CDKL5: variants seen among roughly 807,000 people sequenced by gnomAD.
CDKL5 encodes cyclin-dependent kinase-like 5.
In CDKL5, 8 loss-of-function variants were observed where a neutral mutation model predicts 61.7. The ratio of observed to expected loss-of-function variants is 0.13; its 90% CI spans 0.08 to 0.23. The LOEUF (loss-of-function observed/expected upper bound fraction) is 0.23, where lower values mean the gene tolerates loss of function less well. Ranked by LOEUF, CDKL5 falls within the 10% of genes least tolerant of loss-of-function variation. The pLI, the probability that CDKL5 is intolerant of heterozygous loss-of-function variation, is 1.00. For missense variants in CDKL5, 440 were observed against 734.5 expected, an observed-to-expected ratio of 0.60 and a Z score of 4.63; for synonymous variants, 275 against 272.3, an observed-to-expected ratio of 1.01 and a Z score of -0.10.
chrX:18,631,901 G>T lies in CDKL5; in HGVS notation c.*3144G>T. On this transcript the variant is annotated 3_prime_UTR_variant, in exon 18 of 18. Transcript: ENST00000623535. ...CTACAACTGTGGTTCTCAACTAGGG[G>T]CAGATTTACCCCCAAGGGTACATTT... is the stretch of plus-strand genomic sequence containing the variant. 1 of 742,328 alleles carries T rather than the reference G, an allele frequency of 1.3e-6. No homozygotes were observed. Among genetic ancestry groups the T allele is most frequent in the Non-Finnish European group, 1.6e-6 (1 of 628,390 alleles). The allele number at this position is 742,328 out of a possible 1,213,427, so 61.2% of individuals were successfully genotyped here.
At chrX:18,623,474 T>C (rs1248768426) in intron 16 of CDKL5, among the ~76,000 whole-genome samples, 1 of 112,226 alleles carries the variant, frequency 8.9e-6, no homozygotes, top group Non-Finnish European at 1.9e-5. Flanking sequence ...GTAGATTTTT[T>C]ACTTGCTGAA....
Position 18,590,018 on chromosome X carries a change from T to C in CDKL5, c.744+1875T>C, listed in dbSNP as rs199692901. Among the ~76,000 whole-genome samples, 19 of 112,184 alleles carry C rather than the reference T, an allele frequency of 1.7e-4. No homozygotes were observed. The East Asian group carries it at 5.0e-3, about 30-fold the overall frequency. The stretch of plus-strand genomic sequence containing the variant: ...TTTCTTGTAAATTTGTTTAAGTTCT[T>C]TGTAGATTCTGGATATTAGCCCTTT... On this transcript the variant is annotated intron_variant, in intron 9 of 17. Coordinates refer to ENST00000623535, the MANE Select transcript of CDKL5 (RefSeq NM_001323289.2).
chrX:18,445,244 A>T, intron 1 of CDKL5, among the ~76,000 whole-genome samples: 1 of 108,863 alleles, frequency 9.2e-6, no homozygotes, highest in Non-Finnish European at 1.9e-5. Flanking sequence ...CGCCCTGCTA[A>T]TTTTTGTATT....
chrX:18,571,150 G>A lies in CDKL5; in HGVS notation c.146-4204G>A, dbSNP rs559220753. 1.7e-4 allele frequency among the ~76,000 whole-genome samples: 19 copies of A among 111,330 alleles called. No homozygotes were observed. The East Asian group carries it at 4.5e-3, about 27-fold the overall frequency. ...GACCTCAGGCTCAAAGTTGCATAGCGTGTATGTGAATAATTGCAACTAAAA... is the reference window on the plus strand; with the variant it reads ...GACCTCAGGCTCAAAGTTGCATAGCATGTATGTGAATAATTGCAACTAAAA... On this transcript the variant is annotated intron_variant, in intron 4 of 17. Coordinates refer to ENST00000623535, the MANE Select transcript of CDKL5 (RefSeq NM_001323289.2).
At chrX:18,509,197 GCACA>G (rs60516677) in intron 2 of CDKL5, among the ~76,000 whole-genome samples, 6,865 of 64,166 alleles carry the variant, frequency 0.11, 327 homozygotes, top group Middle Eastern at 0.16. Context: ...CTCAAAACAC[GCACA>G]CACACACACA....
chrX:18,448,194 G>T (rs958051733), intron 1 of CDKL5, among the ~76,000 whole-genome samples: 1 of 112,088 alleles, frequency 8.9e-6, no homozygotes, highest in African/African-American at 3.2e-5. Flanking sequence ...CGTTTTCTGA[G>T]ATCCACCTGG....
At chrX:18,627,441 G>C (rs1927096781) in intron 17 of CDKL5, 1 of 112,087 alleles carries the variant, frequency 8.9e-6, no homozygotes. Context: ...CAGCAGTCAT[G>C]ATTGGCTGTG....
At chrX:18,569,350 C>T (rs965626526) in intron 4 of CDKL5, among the ~76,000 whole-genome samples, 1 of 111,482 alleles carries the variant, frequency 9.0e-6, no homozygotes, top group Non-Finnish European at 1.9e-5. Context: ...CCATTGTATT[C>T]GTTCTGCTCA....
intron 10 of CDKL5, among the ~76,000 whole-genome samples, chrX:18,597,591 ATTTTTT>A (rs58993237): frequency 2.7e-5 from 2 of 72,816 alleles, no homozygotes; most frequent in Non-Finnish European, 5.0e-5. Context: ...CTACAGAATG[ATTTTTT>A]TTTTTTTTTT....
At chrX:18,526,868 C>T (rs1204329432) in intron 3 of CDKL5, among the ~76,000 whole-genome samples, 1 of 110,036 alleles carries the variant, frequency 9.1e-6, no homozygotes, top group Non-Finnish European at 1.9e-5. Context: ...ACCGCAACCT[C>T]CGCCTCCTGG....
chrX:18,651,264 T>TGTGTGTGTGTGTGTGAGAGA (rs1491242962), intron 21 of CDKL5, among the ~76,000 whole-genome samples: 11 of 69,006 alleles, frequency 1.6e-4, no homozygotes, highest in African/African-American at 6.9e-4. Context: ...TGTGTGTGTG[T>TGTGTGTGTGTGTGTGAGAGA]GAGAGAGAGA....
intron 1 of CDKL5, among the ~76,000 whole-genome samples, chrX:18,498,074 T>TCCGCCTCAGCCTTCCAAAGTG (rs1339361380): frequency 9.1e-6 from 1 of 110,315 alleles, no homozygotes; most frequent in Non-Finnish European, 1.9e-5. Flanking sequence ...AAGTGATCCT[T>TCCGCCTCAGCCTTCCAAAGTG]CCGCCTCAGC....
intron 3 of CDKL5, 119 bp from the exon 4 acceptor site, chrX:18,564,358 A>G: frequency 2.6e-6 from 1 of 386,500 alleles, no homozygotes; most frequent in South Asian, 4.6e-5. Context: ...GGAAGATGAT[A>G]TATTTTTAAC....
intron 1 of CDKL5, among the ~76,000 whole-genome samples, chrX:18,496,638 T>G (rs952426343): frequency 9.0e-6 from 1 of 111,620 alleles, no homozygotes; most frequent in Non-Finnish European, 1.9e-5. Flanking sequence ...TATTTTGGGG[T>G]AAAATATTTT....
chrX:18,650,508 G>A lies in CDKL5; in HGVS notation c.2896G>A (p.Val966Ile), dbSNP rs747799506. The stretch of plus-strand genomic sequence containing the variant: ...AATCTCCAGTCCTGCTCCCTATCCA[G>A]TACTCCAGGTCCGAGGCACTTCCAT... Residue 966 changes from valine to isoleucine, a missense_variant, in exon 21 of 22, where the codon GTA (valine) becomes ATA (isoleucine). Val to Ile is a conservative substitution (Grantham distance 29). Coordinates refer to the CDKL5 transcript ENST00000379989. 4.4e-5 allele frequency: 53 copies of A among 1,210,386 alleles called. No individual in the cohort carries two copies. Among genetic ancestry groups the A allele is most frequent in the South Asian group, 4.2e-4 (24 of 56,860 alleles).
intron 17 of CDKL5, among the ~76,000 whole-genome samples, chrX:18,627,991 G>A (rs1569225223): frequency 9.0e-6 from 1 of 111,005 alleles, no homozygotes; most frequent in East Asian, 2.8e-4. Flanking sequence ...TAAAATATAA[G>A]TGGAAGCATT....
intron 20 of CDKL5, among the ~76,000 whole-genome samples, chrX:18,649,267 G>A (rs1003846002): frequency 1.3e-4 from 14 of 111,028 alleles, no homozygotes; most frequent in East Asian, 2.8e-4. Context: ...ACCTGGTCTC[G>A]CTGTGTCGCA....
At chrX:18,431,279 C>T (rs1716082071) in intron 1 of CDKL5, among the ~76,000 whole-genome samples, 2 of 111,788 alleles carry the variant, frequency 1.8e-5, no homozygotes, top group South Asian at 3.7e-4. Flanking sequence ...TTTCTGTAAT[C>T]GATTAAAATC....
Position 18,634,233 on chromosome X carries a change from G to A in CDKL5, c.*5476G>A. ...CCTTATCTGTTCCTCCATCCCCCCT[G>A]TTTTGACAGACTGCTAAGAATTCCT... On this transcript the variant is annotated 3_prime_UTR_variant, in exon 18 of 18. Transcript: ENST00000623535. The A allele has an allele frequency of 1.3e-6, 1 of 753,438 alleles. No homozygotes were observed. Among genetic ancestry groups the A allele is most frequent in the Non-Finnish European group, 1.6e-6 (1 of 638,716 alleles). 62.1% of individuals were successfully genotyped at this position (753,438 alleles called of 1,213,427 possible).
Sources: gnomAD v4.1 joint callset for allele counts (sites outside exome capture counted in the v4.1 genomes callset) on GRCh38, gnomAD v4.1.1 for gene constraint, MANE v1.5 for transcripts, NCBI Gene and HGNC (gene_info 2026-07-23, HGNC 2026-07-21) for gene names.